Variants in MAST2 observed in about 807,000 individuals in gnomAD.
MAST2 encodes the protein microtubule associated serine/threonine kinase 2.
In MAST2, 70 loss-of-function variants were observed where a neutral mutation model predicts 147.4. The ratio of observed to expected loss-of-function variants is 0.47; its 90% confidence interval spans 0.39 to 0.58. The LOEUF (loss-of-function observed/expected upper bound fraction) is 0.58. Among genes scored for constraint, MAST2 ranks in the 20% least tolerant of loss-of-function variants. The probability of loss-of-function intolerance (pLI) is 0.00; values close to 1 mark genes in which losing one functional copy is unlikely to be tolerated. For missense variants in MAST2, 2,080 were observed against 2,302.3 expected, an observed-to-expected ratio of 0.90 and a Z score of 1.98; for synonymous variants, 869 against 896.8, an observed-to-expected ratio of 0.97 and a Z score of 0.55.
intron 4 of MAST2, among the ~76,000 whole-genome samples, chr1:45,920,418 A>T (rs1398758261): frequency 6.6e-6 from 1 of 152,186 alleles, no homozygotes; most frequent in African/African-American, 2.4e-5. Flanking sequence ...CTTCCTAGGC[A>T]TGCAGTCTTA....
chr1:45,838,897 A>T (rs1328502218), intron 3 of MAST2, among the ~76,000 whole-genome samples: 4 of 152,180 alleles, frequency 2.6e-5, no homozygotes, highest in African/African-American at 9.7e-5. Flanking sequence ...ACTACAAAAC[A>T]TTACTGAGAC....
At chr1:45,860,700 C>T (rs550389129) in intron 3 of MAST2, among the ~76,000 whole-genome samples, 1 of 151,806 alleles carries the variant, frequency 6.6e-6, no homozygotes, top group South Asian at 2.1e-4. Flanking sequence ...AGCGTAGTGG[C>T]GGGTGCCTGT....
Position 45,941,726 on chromosome 1 carries a change from G to C in MAST2, c.501-17660G>C, listed in dbSNP as rs183509013. 3.4e-4 allele frequency among the ~76,000 whole-genome samples: 51 copies of C among 151,892 alleles called. No homozygotes were observed. The East Asian group carries it at 7.5e-3, about 22-fold the overall frequency. On this transcript the variant is annotated intron_variant, in intron 4 of 28. Coordinates refer to ENST00000361297, the MANE Select transcript of MAST2 (RefSeq NM_015112.3). ...CTTATTGCACTGGCTAGAACCTCTA[G>C]TACAATGTTGAATAGAAGTGGTAGA...
chr1:45,994,789 C>T (rs1026424331), intron 5 of MAST2, among the ~76,000 whole-genome samples: 1 of 152,052 alleles, frequency 6.6e-6, no homozygotes, highest in Non-Finnish European at 1.5e-5. Context: ...TACTACACAA[C>T]AGCTGGGTCT....
intron 17 of MAST2, 57 bp from the exon 18 acceptor site, chr1:46,028,711 T>C (rs1646514880): frequency 6.3e-7 from 1 of 1,594,438 alleles, no homozygotes; most frequent in Admixed American, 1.7e-5. Flanking sequence ...CATCTCCGGC[T>C]GTCATGCCAG....
intron 3 of MAST2, among the ~76,000 whole-genome samples, chr1:45,850,097 G>C (rs925861373): frequency 3.9e-5 from 6 of 152,104 alleles, no homozygotes; most frequent in Non-Finnish European, 5.9e-5. Context: ...TTTATCTGCA[G>C]TCTTGCCGGC....
intron 5 of MAST2, among the ~76,000 whole-genome samples, chr1:45,995,771 C>A (rs1449865881): frequency 2.0e-5 from 3 of 152,140 alleles, no homozygotes; most frequent in Non-Finnish European, 2.9e-5. Flanking sequence ...TGTGTTTGAA[C>A]AATGATACTG....
chr1:46,034,148 C>T lies in MAST2; in HGVS notation c.3750C>T (p.Ser1250=). Residue 1250 remains serine (S), a synonymous_variant, in exon 28 of 29, where the codon TCC becomes TCT. Transcript: ENST00000361297. ...TCCACACCAGCCGCAGCCTTTCTTC[C>T]CTTAACCGCTCCTTGTCATCAGGGG... ...SLLHTSRSLS[S]LNRSLSSGES... is the part of the protein sequence containing the mutation. 1 of 1,614,182 alleles carries T rather than the reference C, an allele frequency of 6.2e-7. No homozygotes were observed. Among genetic ancestry groups the T allele is most frequent in the South Asian group, 1.1e-5 (1 of 91,082 alleles).
intron 4 of MAST2, among the ~76,000 whole-genome samples, chr1:45,920,865 G>T (rs934313348): frequency 3.3e-5 from 5 of 151,854 alleles, no homozygotes; most frequent in Non-Finnish European, 5.9e-5. Context: ...TTTCGATGAG[G>T]TGGATAATCT....
At chr1:45,845,328 T>C (rs2147940359) in intron 3 of MAST2, among the ~76,000 whole-genome samples, 1 of 152,364 alleles carries the variant, frequency 6.6e-6, no homozygotes, top group African/African-American at 2.4e-5. Flanking sequence ...TTTTGTTTTT[T>C]TCCTTTTTCT....
chr1:45,907,961 CTTA>C (rs1460604839), intron 4 of MAST2, among the ~76,000 whole-genome samples: 3 of 152,072 alleles, frequency 2.0e-5, no homozygotes, highest in Non-Finnish European at 4.4e-5. Flanking sequence ...CTGCTATTCT[CTTA>C]TTATTCTTTT....
At chr1:45,931,953 A>G (rs1181736802) in intron 4 of MAST2, among the ~76,000 whole-genome samples, 1 of 152,100 alleles carries the variant, frequency 6.6e-6, no homozygotes, top group Non-Finnish European at 1.5e-5. Context: ...GGCCTCCCAA[A>G]GGGCTGGGAT....
intron 2 of MAST2, among the ~76,000 whole-genome samples, chr1:45,825,330 T>A (rs565721663): frequency 4.5e-4 from 68 of 151,754 alleles, no homozygotes; most frequent in Admixed American, 6.6e-4. Context: ...CAGCCTCTTA[T>A]ATTTAAATTT....
At chr1:46,018,069 G>A (rs1159721560) in intron 10 of MAST2, among the ~76,000 whole-genome samples, 1 of 152,042 alleles carries the variant, frequency 6.6e-6, no homozygotes, top group African/African-American at 2.4e-5. Context: ...CCACCTCTCG[G>A]TGGAGCACAG....
chr1:45,864,055 A>T (rs1229615921), intron 3 of MAST2, among the ~76,000 whole-genome samples: 1 of 152,242 alleles, frequency 6.6e-6, no homozygotes, highest in East Asian at 1.9e-4. Flanking sequence ...ATATCATGAG[A>T]ACAATCTTTC....
intron 3 of MAST2, among the ~76,000 whole-genome samples, chr1:45,867,396 C>G (rs6656992): frequency 0.44 from 67,625 of 151,972 alleles, 15,252 homozygotes; most frequent in East Asian, 0.62. Flanking sequence ...TTTGATACCT[C>G]CAGGTTTTTC....
intron 4 of MAST2, among the ~76,000 whole-genome samples, chr1:45,904,906 C>T (rs1650419488): frequency 1.3e-5 from 2 of 152,152 alleles, no homozygotes; most frequent in African/African-American, 2.4e-5. Flanking sequence ...CTCCCGGGTT[C>T]AAGTGAGTCC....
chr1:45,874,068 G>A (rs1210790908), intron 3 of MAST2, among the ~76,000 whole-genome samples: 2 of 152,088 alleles, frequency 1.3e-5, no homozygotes, highest in South Asian at 2.1e-4. Flanking sequence ...CAATCCTCTC[G>A]CCTCGGCATC....
chr1:45,906,811 C>G (rs1570654245), intron 4 of MAST2, among the ~76,000 whole-genome samples: 1 of 152,000 alleles, frequency 6.6e-6, no homozygotes, highest in African/African-American at 2.4e-5. Context: ...TTACTCACCA[C>G]TCACTCAGTC....
Sources: allele counts gnomAD v4.1 joint callset (sites outside exome capture counted in the v4.1 genomes callset), GRCh38; gene constraint gnomAD v4.1.1; transcripts MANE v1.5; gene names NCBI Gene and HGNC (gene_info 2026-07-23, HGNC 2026-07-21).